The following KAZN variants were observed in gnomAD, a reference collection of about 807,000 sequenced individuals.
The protein encoded by KAZN is kazrin, periplakin interacting protein, also known as kazrin.
In KAZN, 40 loss-of-function variants were observed where a neutral mutation model predicts 87.4. The ratio of observed to expected loss-of-function variants is 0.46; its 90% CI spans 0.36 to 0.60. The LOEUF (loss-of-function observed/expected upper bound fraction) is 0.60, where lower values mean the gene tolerates loss of function less well. Ranked by LOEUF, KAZN falls within the 20% of genes least tolerant of loss-of-function variation. The pLI is 0.00. For synonymous variants in KAZN, 466 were observed against 458.3 expected (o/e 1.02, Z -0.22); for missense variants, 898 against 1,073.9 (o/e 0.84, Z 2.29).
At chr1:14,790,147 CAT>C (rs1645631319) in intron 1 of KAZN, among the ~76,000 whole-genome samples, 1 of 151,980 alleles carries the variant, frequency 6.6e-6, no homozygotes, top group Admixed American at 6.6e-5. Context: ...GGATTACAAA[CAT>C]GTGCCACATG....
At chr1:14,957,044 G>A (rs954545921) in intron 1 of KAZN, among the ~76,000 whole-genome samples, 1 of 152,140 alleles carries the variant, frequency 6.6e-6, no homozygotes, top group African/African-American at 2.4e-5. Flanking sequence ...CTGAGCAGAT[G>A]TGGGCCCTTC....
In KAZN at chr1:14,030,635, TACACACACACACACACAC is replaced by T. The variant is rs60838104; in HGVS notation, c.91+136904_91+136921del. ...AGAAAAAATTGGCAATGTACACAGA[TACACACACACACACACAC>T]ACACACACACACACACACACACACC... On this transcript the variant is annotated intron_variant, in intron 1 of 16. Transcript: ENST00000636203. 7.4e-3 allele frequency among the ~76,000 whole-genome samples: 1,076 copies of T among 145,112 alleles called. 28 individuals carry two copies. The East Asian group carries it at 0.096, about 13-fold the overall frequency.
chr1:14,307,745 C>T (rs980413734), intron 2 of KAZN, among the ~76,000 whole-genome samples: 1 of 152,094 alleles, frequency 6.6e-6, no homozygotes, highest in Non-Finnish European at 1.5e-5. Context: ...CGTAGTGGGT[C>T]GCAACCACAG....
intron 1 of KAZN, among the ~76,000 whole-genome samples, chr1:14,935,144 A>G (rs1287714311): frequency 6.6e-6 from 1 of 152,248 alleles, no homozygotes; most frequent in Non-Finnish European, 1.5e-5. Context: ...CTGCAGGGAC[A>G]GAGGCTACCC....
chr1:14,896,041 C>CTTTTTTTTTTT (rs201188620), intron 1 of KAZN, among the ~76,000 whole-genome samples: 153 of 140,680 alleles, frequency 1.1e-3, no homozygotes, highest in African/African-American at 3.9e-3. Flanking sequence ...AAAAAGACGC[C>CTTTTTTTTTTT]TTTTTTTTTT....
At chr1:13,908,187 A>G (rs1312273279) in intron 1 of KAZN, among the ~76,000 whole-genome samples, 1 of 152,242 alleles carries the variant, frequency 6.6e-6, no homozygotes, top group Non-Finnish European at 1.5e-5. Flanking sequence ...TTACATCAGA[A>G]AGCCTGTAGC....
chr1:14,719,795 C>T (rs1457232246), intron 1 of KAZN, among the ~76,000 whole-genome samples: 3 of 152,116 alleles, frequency 2.0e-5, no homozygotes, highest in Non-Finnish European at 2.9e-5. Context: ...GCCAAGATCA[C>T]GCCATTGCAC....
chr1:14,709,523 A>G (rs961085344), intron 1 of KAZN, among the ~76,000 whole-genome samples: 2 of 152,156 alleles, frequency 1.3e-5, no homozygotes, highest in African/African-American at 4.8e-5. Flanking sequence ...CCCTCTAAGA[A>G]GGACCAAGTG....
At chr1:14,094,576 A>C (rs947613471) in intron 1 of KAZN, among the ~76,000 whole-genome samples, 3 of 152,208 alleles carry the variant, frequency 2.0e-5, no homozygotes, top group African/African-American at 2.4e-5. Flanking sequence ...TAATAGACAA[A>C]AATTTCCAAA....
intron 13 of KAZN, among the ~76,000 whole-genome samples, chr1:15,110,196 GTA>G (rs1212589779): frequency 1.3e-4 from 19 of 149,366 alleles, no homozygotes; most frequent in Non-Finnish European, 2.4e-4. Context: ...GTGTATGTGT[GTA>G]TGTTTAGGTG....
At chr1:14,672,621 G>A (rs1431804048) in intron 1 of KAZN, among the ~76,000 whole-genome samples, 1 of 152,208 alleles carries the variant, frequency 6.6e-6, no homozygotes, top group Non-Finnish European at 1.5e-5. Flanking sequence ...TCTCTGACAA[G>A]TTTCAGCAGA....
At chr1:14,365,357 TC>T (rs1198801600) in intron 2 of KAZN, among the ~76,000 whole-genome samples, 2 of 48,890 alleles carry the variant, frequency 4.1e-5, no homozygotes, top group Admixed American at 2.4e-4. Flanking sequence ...GCCCACCCCC[TC>T]CCCCCGGGGT....
rs1645098892 is a variant in KAZN, at chr1:14,773,990, T to TG, written c.226+174768dup. On this transcript the variant is annotated intron_variant, in intron 1 of 14. Coordinates refer to ENST00000376030, the MANE Select transcript of KAZN (RefSeq NM_201628.3). The surrounding 1 kb of genome is among the most constrained non-coding windows in gnomAD (Gnocchi z 5.9). ...TGGCTGCTGCCAACCAAGGCGCCCTTGTGGGCTGTTCACCTGAGCTGCCGC... is the reference window on the plus strand; with the variant it reads ...TGGCTGCTGCCAACCAAGGCGCCCTTGGTGGGCTGTTCACCTGAGCTGCCGC... Among the ~76,000 whole-genome samples, 2 of 152,232 alleles carry TG rather than the reference T, an allele frequency of 1.3e-5. No individual in the cohort carries two copies. Among genetic ancestry groups the TG allele is most frequent in the African/African-American group, 4.8e-5 (2 of 41,468 alleles).
chr1:14,958,576 T>C (rs374203004), intron 1 of KAZN, among the ~76,000 whole-genome samples: 2 of 152,188 alleles, frequency 1.3e-5, no homozygotes, highest in African/African-American at 2.4e-5. Flanking sequence ...ACAGATGCAG[T>C]GTCCGAGGCT....
chr1:13,909,164 G>T (rs562942174), intron 1 of KAZN, among the ~76,000 whole-genome samples: 3 of 152,292 alleles, frequency 2.0e-5, no homozygotes, highest in African/African-American at 7.2e-5. Flanking sequence ...TTAGTGTCCA[G>T]CCTTGAATTA....
rs530674224 is a variant in KAZN, at chr1:14,809,379, G to A, written c.227-151305G>A. 5.9e-5 allele frequency among the ~76,000 whole-genome samples: 9 copies of A among 152,334 alleles called. No individual in the cohort carries two copies. In the South Asian group the frequency reaches 1.7e-3, roughly 28 times the overall value. ...TTTCTGAATTCTTCTCTCCCTCTGT[G>A]ACTTTGCTCTTCCTCCCTCACCGTC... On this transcript the variant is annotated intron_variant, in intron 1 of 14. Coordinates refer to ENST00000376030, the MANE Select transcript of KAZN (RefSeq NM_201628.3).
In KAZN at chr1:14,504,832, G is replaced by A. The variant is rs147141650; in HGVS notation, c.250-94151G>A. On this transcript the variant is annotated intron_variant, in intron 2 of 16. Transcript: ENST00000636203. ...TGGCCAAACTCATGTTCAGGTGGAG[G>A]CCAACAAATTAAAGGTTTTAAGTTC... is the stretch of plus-strand genomic sequence containing the variant. Among the ~76,000 whole-genome samples, 46 of 152,304 alleles carry A rather than the reference G, an allele frequency of 3.0e-4. No individual in the cohort carries two copies. In the East Asian group the frequency reaches 8.5e-3, roughly 28 times the overall value.
In KAZN at chr1:15,003,005, TACACACACACACAC is replaced by T. The variant is rs113317563; in HGVS notation, c.419-31728_419-31715del. On this transcript the variant is annotated intron_variant, in intron 2 of 14. Coordinates refer to ENST00000376030, the MANE Select transcript of KAZN (RefSeq NM_201628.3). ...AATAAAATAAAAATAAAAATAAACG[TACACACACACACAC>T]ACACACACACACACAAAATTGAGGG... Among the ~76,000 whole-genome samples, 223 of 131,498 alleles carry T rather than the reference TACACACACACACAC, an allele frequency of 1.7e-3. 1 individual carries two copies. The South Asian group carries it at 0.025, about 15-fold the overall frequency. 86.3% of individuals were successfully genotyped at this position (131,498 alleles called of 152,430 possible).
chr1:14,498,458 G>A (rs752304460), intron 2 of KAZN, among the ~76,000 whole-genome samples: 13 of 152,164 alleles, frequency 8.5e-5, no homozygotes, highest in African/African-American at 1.7e-4. Context: ...TTGGGAGGCC[G>A]AGGCAGGTGG....
Sources: gnomAD v4.1 joint callset for allele counts (sites outside exome capture counted in the v4.1 genomes callset) on GRCh38, gnomAD v4.1.1 for gene constraint, Gnocchi (gnomAD v3.1) non-coding constraint, MANE v1.5 for transcripts, NCBI Gene and HGNC (gene_info 2026-07-23, HGNC 2026-07-21) for gene names.